MPPED1: variants seen among roughly 807,000 people sequenced by gnomAD.
MPPED1 encodes the protein metallophosphoesterase domain-containing protein 1.
Under a neutral mutation model 36.2 loss-of-function variants are expected in MPPED1, and 16 were observed. The observed-to-expected ratio is 0.44, with a 90% CI of 0.30 to 0.67. The LOEUF (loss-of-function observed/expected upper bound fraction) is 0.67. Ranked by LOEUF, MPPED1 falls within the 30% of genes least tolerant of loss-of-function variation. The probability of loss-of-function intolerance (pLI) is 0.10; values close to 1 mark genes in which losing one functional copy is unlikely to be tolerated. For missense variants in MPPED1, 307 were observed against 453.4 expected, an observed-to-expected ratio of 0.68 and a Z score of 2.93; for synonymous variants, 199 against 191.3, an observed-to-expected ratio of 1.04 and a Z score of -0.33.
chr22:43,477,893 G>T (rs1365811041), intron 4 of MPPED1, among the ~76,000 whole-genome samples: 3 of 152,198 alleles, frequency 2.0e-5, no homozygotes, highest in Non-Finnish European at 4.4e-5. Context: ...CTGCCTTGTT[G>T]GGGGGTTGTG....
chr22:43,429,924 G>A (rs1204246736), intron 2 of MPPED1, among the ~76,000 whole-genome samples: 5 of 152,152 alleles, frequency 3.3e-5, no homozygotes, highest in African/African-American at 1.2e-4. Context: ...TGGGAAGGAA[G>A]GACAGGTGTG....
chr22:43,445,046 G>T (rs554134285), intron 3 of MPPED1, among the ~76,000 whole-genome samples: 1 of 152,264 alleles, frequency 6.6e-6, no homozygotes. Context: ...AGCTTCCTGG[G>T]GGCCAAAGTG....
At chr22:43,422,460 C>T (rs758649587) in intron 1 of MPPED1, among the ~76,000 whole-genome samples, 4 of 152,246 alleles carry the variant, frequency 2.6e-5, no homozygotes, top group Admixed American at 6.5e-5. Flanking sequence ...CCAGACCAGT[C>T]GTAGGGCCAG....
intron 1 of MPPED1, among the ~76,000 whole-genome samples, chr22:43,412,600 G>C (rs1033384707): frequency 2.0e-5 from 3 of 152,094 alleles, no homozygotes; most frequent in African/African-American, 4.8e-5. Context: ...AACGCTGGCC[G>C]AGTGGCCACT....
At chr22:43,442,805 C>T (rs1328014925) in intron 3 of MPPED1, among the ~76,000 whole-genome samples, 1 of 152,226 alleles carries the variant, frequency 6.6e-6, no homozygotes, top group East Asian at 1.9e-4. Flanking sequence ...CCTGTGTGAA[C>T]TCAGCCCCTC....
At chr22:43,417,560 G>A (rs1343055344) in intron 1 of MPPED1, 1 of 151,994 alleles carries the variant, frequency 6.6e-6, no homozygotes, top group African/African-American at 2.4e-5. Flanking sequence ...TGATTTTTGA[G>A]CTTGTGTGGG....
rs1237533320 is a variant in MPPED1, at chr22:43,506,346, C to A, written c.*730C>A. The stretch of plus-strand genomic sequence containing the variant: ...GTGCCCAGGACCAGTGAGAGCGTTC[C>A]CAGTCATGGGGGGATGACCCTTGGT... On this transcript the variant is annotated 3_prime_UTR_variant, in exon 7 of 7. Transcript: ENST00000443721. 6.6e-6 allele frequency: 1 copy of A among 152,552 alleles called. No homozygotes were observed. The highest frequency in any genetic ancestry group is 2.4e-5 in the African/African-American group (1 of 41,448). The allele number at this position is 152,552 out of a possible 1,614,324, so 9.4% of individuals were successfully genotyped here. A position where few individuals can be genotyped will look rare whatever the true frequency, so the allele number is the denominator to read the frequency against.
At chr22:43,491,201 G>A (rs1932070877) in intron 4 of MPPED1, among the ~76,000 whole-genome samples, 1 of 152,178 alleles carries the variant, frequency 6.6e-6, no homozygotes, top group South Asian at 2.1e-4. Context: ...AGGCTCCGTG[G>A]GTGAGTCTCA....
At chr22:43,421,506 GC>G (rs998097207) in intron 1 of MPPED1, among the ~76,000 whole-genome samples, 7 of 152,358 alleles carry the variant, frequency 4.6e-5, no homozygotes, top group African/African-American at 1.4e-4. Context: ...ACGGGTGGGG[GC>G]CCCTGGAACC....
At chr22:43,478,533 T>C (rs1195232799) in intron 4 of MPPED1, among the ~76,000 whole-genome samples, 1 of 151,808 alleles carries the variant, frequency 6.6e-6, no homozygotes, top group East Asian at 1.9e-4. Context: ...AGCCAGAGGT[T>C]GAAGAGATAC....
rs181153866 is a variant in MPPED1, at chr22:43,430,206, A to T, written c.225-4828A>T. ...TTCAGAGCACCCCATGTCTGCAGGA[A>T]TAGGGTTACGAGGGGTAACAGCCTC... is the stretch of plus-strand genomic sequence containing the variant. On this transcript the variant is annotated intron_variant, in intron 2 of 6. Coordinates refer to ENST00000443721, the MANE Select transcript of MPPED1 (RefSeq NM_001044370.2). Among the ~76,000 whole-genome samples, 18 of 152,318 alleles carry T rather than the reference A, an allele frequency of 1.2e-4. No homozygotes were observed. The East Asian group carries it at 2.5e-3, about 21-fold the overall frequency.
At chr22:43,478,916 T>A (rs1931659793) in intron 4 of MPPED1, among the ~76,000 whole-genome samples, 1 of 152,106 alleles carries the variant, frequency 6.6e-6, no homozygotes, top group African/African-American at 2.4e-5. Flanking sequence ...CGAGAGTCTC[T>A]TGGTAGAGAG....
intron 3 of MPPED1, among the ~76,000 whole-genome samples, chr22:43,468,482 C>T (rs1452802207): frequency 6.6e-6 from 1 of 152,226 alleles, no homozygotes; most frequent in African/African-American, 2.4e-5. Flanking sequence ...ACTGTCTACT[C>T]ATCAGGCATG....
intron 1 of MPPED1, among the ~76,000 whole-genome samples, chr22:43,417,396 AT>A (rs895562191): frequency 2.9e-5 from 4 of 139,592 alleles, no homozygotes; most frequent in African/African-American, 1.1e-4. Flanking sequence ...ACGAGGTCTG[AT>A]TTTTTTTCTC....
chr22:43,436,326 C>T (rs2146835741), intron 3 of MPPED1, among the ~76,000 whole-genome samples: 1 of 152,334 alleles, frequency 6.6e-6, no homozygotes, highest in South Asian at 2.1e-4. Flanking sequence ...CCAGACGGTC[C>T]CTTCCGCCTC....
chr22:43,447,888 T>A (rs5759342), intron 3 of MPPED1, among the ~76,000 whole-genome samples: 1,492 of 118,844 alleles, frequency 0.013, 17 homozygotes, highest in African/African-American at 0.029. Context: ...TATATATTTT[T>A]TTTTTTTTTA....
intron 3 of MPPED1, among the ~76,000 whole-genome samples, chr22:43,451,532 G>C (rs1437237957): frequency 6.6e-6 from 1 of 152,202 alleles, no homozygotes; most frequent in Non-Finnish European, 1.5e-5. Context: ...GCGGAAGGCC[G>C]TTTGGAGCTA....
chr22:43,502,491 G>C lies in MPPED1; in HGVS notation c.749-153G>C, dbSNP rs991726106. On this transcript the variant is annotated intron_variant, in intron 5 of 6. Coordinates refer to ENST00000443721, the MANE Select transcript of MPPED1 (RefSeq NM_001044370.2). The surrounding 1 kb of genome is among the most constrained non-coding windows in gnomAD (Gnocchi z 5.5). ...AGTCCCTGAAGCCTGAGGCAGGGCA[G>C]GGTTCCGGAGAGCTTGCTAGGGGAG... 6.6e-6 allele frequency among the ~76,000 whole-genome samples: 1 copy of C among 152,224 alleles called. No individual in the cohort carries two copies. Among genetic ancestry groups the C allele is most frequent in the African/African-American group, 2.4e-5 (1 of 41,466 alleles).
chr22:43,500,169 ATGGAGG>A (rs1932635240), intron 5 of MPPED1, among the ~76,000 whole-genome samples: 2 of 18,370 alleles, frequency 1.1e-4, no homozygotes, highest in South Asian at 2.0e-3. Flanking sequence ...GGTGATGGTG[ATGGAGG>A]TGGTGGTGAT....
Sources: gnomAD v4.1 joint callset for allele counts (sites outside exome capture counted in the v4.1 genomes callset) on GRCh38, gnomAD v4.1.1 for gene constraint, Gnocchi (gnomAD v3.1) non-coding constraint, MANE v1.5 for transcripts, NCBI Gene and HGNC (gene_info 2026-07-23, HGNC 2026-07-21) for gene names.